KIF13B: variants seen among roughly 807,000 people sequenced by gnomAD.
The protein encoded by KIF13B is kinesin-like protein KIF13B.
A neutral mutation model predicts 222.0 loss-of-function variants in KIF13B; 127 were observed. That is an observed-to-expected ratio of 0.57 (90% confidence interval 0.50 to 0.66). The LOEUF is 0.66. Among genes scored for constraint, KIF13B ranks in the 30% least tolerant of loss-of-function variants. KIF13B has a pLI of 0.00. For missense variants in KIF13B, 2,173 were observed against 2,379.0 expected (o/e 0.91, Z 1.80); for synonymous variants, 976 against 919.0 (o/e 1.06, Z -1.12).
At chr8:29,144,247 G>A (rs934022427) in intron 18 of KIF13B, among the ~76,000 whole-genome samples, 2 of 151,736 alleles carry the variant, frequency 1.3e-5, no homozygotes, top group African/African-American at 2.4e-5. Flanking sequence ...AATTCTTACG[G>A]TCAAAATGCG....
intron 31 of KIF13B, among the ~76,000 whole-genome samples, 176 bp downstream of exon 31, chr8:29,116,655 G>C (rs1315159507): frequency 6.6e-6 from 1 of 152,202 alleles, no homozygotes; most frequent in Non-Finnish European, 1.5e-5. Flanking sequence ...CCAGGAGCAA[G>C]TGACACATCT....
In KIF13B at chr8:29,127,245, G is replaced by A. The variant is rs1248723282; in HGVS notation, c.3099C>T (p.Val1033=). Residue 1033 remains valine, a synonymous_variant, in exon 25 of 40, where the codon GTC becomes GTT. Coordinates refer to ENST00000524189, the MANE Select transcript of KIF13B (RefSeq NM_015254.4). ...LRQGQSRRVQ[V]EVKSVQESGT... is the part of the protein sequence containing the mutation. Reference sequence around the variant, plus strand: ...CAGATTCCTGCACTGACTTCACTTCGACTTGAACTCTCCGGGACTGCCCCT... The same window carrying A: ...CAGATTCCTGCACTGACTTCACTTCAACTTGAACTCTCCGGGACTGCCCCT... 5 of 1,613,710 alleles carry A rather than the reference G, an allele frequency of 3.1e-6. No homozygotes were observed. Among genetic ancestry groups the A allele is most frequent in the East Asian group, 2.2e-5 (1 of 44,896 alleles).
At chr8:29,186,192 A>G (rs1225239772) in intron 6 of KIF13B, 100 bp downstream of exon 6, 1 of 897,404 alleles carries the variant, frequency 1.1e-6, no homozygotes, top group Non-Finnish European at 1.7e-6. Context: ...TATGTGACAG[A>G]GCGAGACCCT....
intron 21 of KIF13B, among the ~76,000 whole-genome samples, chr8:29,136,628 T>TCACCC (rs1810570468): frequency 6.6e-6 from 1 of 151,502 alleles, no homozygotes; most frequent in African/African-American, 2.4e-5. Flanking sequence ...TAAATAAATC[T>TCACCC]CACCCACTTA....
At chr8:29,169,236 G>C (rs1812134605) in intron 10 of KIF13B, among the ~76,000 whole-genome samples, 1 of 152,216 alleles carries the variant, frequency 6.6e-6, no homozygotes, top group South Asian at 2.1e-4. Context: ...ATTTATCACA[G>C]AGCCTGGTTT....
At chr8:29,137,392 C>T (rs1810613569) in intron 21 of KIF13B, among the ~76,000 whole-genome samples, 1 of 152,222 alleles carries the variant, frequency 6.6e-6, no homozygotes, top group Admixed American at 6.5e-5. Context: ...GTCAGAGTAT[C>T]ACAGACTTCA....
intron 21 of KIF13B, among the ~76,000 whole-genome samples, chr8:29,135,232 A>T (rs772389435): frequency 6.6e-6 from 1 of 151,996 alleles, no homozygotes; most frequent in Non-Finnish European, 1.5e-5. Flanking sequence ...TTTAGTAGAG[A>T]TGAGGTCTCA....
rs1812158261 is a variant in KIF13B at position 29,169,799 on chromosome 8, T to TTC, written c.946-2215_946-2214insGA. 3.9e-5 allele frequency among the ~76,000 whole-genome samples: 6 copies of TTC among 152,304 alleles called. 1 individual carries two copies. The South Asian group carries it at 1.2e-3, about 32-fold the overall frequency. On this transcript the variant is annotated intron_variant, in intron 10 of 39. Coordinates refer to ENST00000524189, the MANE Select transcript of KIF13B (RefSeq NM_015254.4). ...ACATGAATGAAATTCAAATGTGATA[T>TTC]AACGAAAGCACAGGAATTCAATCTC... is the stretch of plus-strand genomic sequence containing the variant.
At position 29,099,189 on chromosome 8, in the gene KIF13B, A is replaced by G. The variant is rs781572213; in HGVS notation, c.4268T>C (p.Ile1423Thr). 6.2e-6 allele frequency: 10 copies of G among 1,613,662 alleles called. No homozygotes were observed. In the East Asian group the frequency reaches 6.7e-5, roughly 11 times the overall value. Residue 1423 changes from isoleucine to threonine, a missense_variant, in exon 36 of 40, where the codon ATA becomes ACA. Ile to Thr is a moderately conservative substitution (Grantham distance 89). This residue lies in a region of KIF13B where 693 missense variants were observed against 656.2 expected (regional missense o/e 1.06). Coordinates refer to ENST00000524189, the MANE Select transcript of KIF13B (RefSeq NM_015254.4). Reference protein sequence around the residue: ...DVSQTTVSRGIAPAPALSVSP... With the variant: ...DVSQTTVSRGTAPAPALSVSP... ...AACAGAGAGGGCGGGGGCAGGAGCT[A>G]TTCCTCTGGAAACTGTGGTTTGGGA...
At chr8:29,081,777 T>C (rs929359753) in intron 37 of KIF13B, among the ~76,000 whole-genome samples, 4 of 152,258 alleles carry the variant, frequency 2.6e-5, no homozygotes, top group Admixed American at 1.3e-4. Flanking sequence ...ATGGTGCTTG[T>C]CTAACTCAGT....
chr8:29,168,819 G>C (rs1267696125), intron 10 of KIF13B, among the ~76,000 whole-genome samples: 1 of 152,180 alleles, frequency 6.6e-6, no homozygotes, highest in South Asian at 2.1e-4. Context: ...CCGGAGTCCT[G>C]ACCTATGGAA....
In KIF13B at chr8:29,167,596, A is replaced by C. The variant is rs778341507; in HGVS notation, c.946-11T>G. On this transcript the variant is annotated splice_polypyrimidine_tract_variant and intron_variant, in intron 10 of 39. Coordinates refer to ENST00000524189, the MANE Select transcript of KIF13B (RefSeq NM_015254.4). ...ACCCCCGAGGCTGTCCTACAGGAGA[A>C]AACAGAAAGTTGAGTAGCATATTAA... 39 of 1,609,994 alleles carry C rather than the reference A, an allele frequency of 2.4e-5. 1 individual carries two copies. In the Admixed American group the frequency reaches 5.7e-4, roughly 23 times the overall value.
chr8:29,214,475 T>C (rs939736799), intron 2 of KIF13B, among the ~76,000 whole-genome samples: 14 of 152,154 alleles, frequency 9.2e-5, no homozygotes, highest in Non-Finnish European at 1.9e-4. Context: ...CCTCCACGTC[T>C]TGTCCCACTG....
At chr8:29,127,750 A>G (rs954927461) in intron 24 of KIF13B, among the ~76,000 whole-genome samples, 28 of 152,238 alleles carry the variant, frequency 1.8e-4, no homozygotes, top group African/African-American at 5.8e-4. Context: ...ACTTAAAAAT[A>G]TAAGTTCCTT....
intron 2 of KIF13B, among the ~76,000 whole-genome samples, chr8:29,205,194 A>C (rs373960499): frequency 1.1e-5 from 1 of 88,852 alleles, no homozygotes; most frequent in African/African-American, 3.1e-5. Context: ...TCACCAAAAA[A>C]GTTTTTTTAA....
intron 10 of KIF13B, among the ~76,000 whole-genome samples, chr8:29,173,341 G>A (rs774175800): frequency 1.3e-5 from 2 of 152,102 alleles, no homozygotes; most frequent in Non-Finnish European, 2.9e-5. Context: ...TCTTCTACAG[G>A]CCAGGCATGG....
chr8:29,164,207 TA>T (rs775772807), intron 12 of KIF13B, among the ~76,000 whole-genome samples: 30 of 152,246 alleles, frequency 2.0e-4, no homozygotes, highest in Non-Finnish European at 3.4e-4. Flanking sequence ...ACATCCACTT[TA>T]TGCTAAGTAA....
intron 2 of KIF13B, among the ~76,000 whole-genome samples, chr8:29,244,115 G>A (rs1361972008): frequency 2.6e-5 from 4 of 151,976 alleles, no homozygotes; most frequent in East Asian, 1.9e-4. Flanking sequence ...CCAGGTTCAC[G>A]CCATTCTCCT....
At chr8:29,228,616 CAA>C (rs956988854) in intron 2 of KIF13B, among the ~76,000 whole-genome samples, 2 of 151,718 alleles carry the variant, frequency 1.3e-5, no homozygotes, top group Non-Finnish European at 1.5e-5. Flanking sequence ...TAATTTTGAT[CAA>C]AAGAGTACCT....
Sources: allele counts gnomAD v4.1 joint callset (sites outside exome capture counted in the v4.1 genomes callset), GRCh38; gene constraint gnomAD v4.1.1; regional missense constraint gnomAD v4.1.1; transcripts MANE v1.5; gene names NCBI Gene and HGNC (gene_info 2026-07-23, HGNC 2026-07-21).